Variants in AP3D1 observed in about 807,000 individuals in gnomAD.
AP3D1 encodes the protein adaptor related protein complex 3 subunit delta 1.
In AP3D1, 51 loss-of-function variants were observed where a neutral mutation model predicts 147.6. The ratio of observed to expected loss-of-function variants is 0.35; its 90% CI spans 0.28 to 0.44. AP3D1 has a LOEUF of 0.44. Ranked by LOEUF, AP3D1 falls within the 20% of genes least tolerant of loss-of-function variation. The probability of loss-of-function intolerance (pLI) is 1.00; values close to 1 mark genes in which losing one functional copy is unlikely to be tolerated. For missense variants in AP3D1, 1,421 were observed against 1,624.2 expected, an observed-to-expected ratio of 0.87 and a Z score of 2.15; for synonymous variants, 760 against 663.0, an observed-to-expected ratio of 1.15 and a Z score of -2.25.
rs747525616 is a variant in AP3D1, at chr19:2,114,212, T to C, written c.2514A>G (p.Glu838=). The change falls in exon 22 of 32, where the codon GAA becomes GAG. Residue 838 remains glutamate, a synonymous_variant. Coordinates refer to ENST00000643116, the MANE Select transcript of AP3D1 (RefSeq NM_001261826.3). ...KSPEKDVPMV[E]KKSKKPKKKE... ...TCTTCTTGGGTTTCTTGCTCTTCTT[T>C]TCTACCATGGGAACGTCCTTCTCAG... 9.3e-6 allele frequency: 15 copies of C among 1,613,164 alleles called. No individual in the cohort carries two copies. In the Admixed American group the frequency reaches 1.0e-4, roughly 11 times the overall value.
intron 23 of AP3D1, 55 bp from the exon 24 acceptor site, chr19:2,113,022 C>G: frequency 3.0e-6 from 4 of 1,347,180 alleles, no homozygotes; most frequent in South Asian, 1.3e-5. Flanking sequence ...CCCCACTCCA[C>G]TGCACCCCAG....
At chr19:2,111,923 T>G in intron 24 of AP3D1, 95 bp from the exon 25 acceptor site, 4 of 1,578,982 alleles carry the variant, frequency 2.5e-6, no homozygotes, top group Non-Finnish European at 3.4e-6. Context: ...CTGCTCAGGC[T>G]GAGGGTCCCA....
upstream of AP3D1, among the ~76,000 whole-genome samples, chr19:2,153,603 G>T (rs987981453): frequency 6.6e-6 from 1 of 150,722 alleles, no homozygotes; most frequent in Non-Finnish European, 1.5e-5. Flanking sequence ...TCCGCCCAGG[G>T]GGCGGAGGTT....
At chr19:2,111,935 G>A (rs2018294024) in intron 24 of AP3D1, 107 bp from the exon 25 acceptor site, 15 of 1,539,618 alleles carry the variant, frequency 9.7e-6, no homozygotes, top group Middle Eastern at 2.1e-4. Context: ...AGGGTCCCAC[G>A]TGCCTGGGTG....
At chr19:2,150,017 G>A (rs1568310813) in intron 1 of AP3D1, among the ~76,000 whole-genome samples, 1 of 152,180 alleles carries the variant, frequency 6.6e-6, no homozygotes, top group African/African-American at 2.4e-5. Flanking sequence ...AAGTGGGGTG[G>A]AGAAGAACAA....
At chr19:2,152,238 TAAAA>T (rs113847413), upstream of AP3D1, among the ~76,000 whole-genome samples, 1 of 151,596 alleles carries the variant, frequency 6.6e-6, no homozygotes. Flanking sequence ...ATTGAGATTG[TAAAA>T]AAAAGCTCTG....
intron 5 of AP3D1, 31 bp downstream of exon 5, chr19:2,132,440 G>T: frequency 6.4e-7 from 1 of 1,564,174 alleles, no homozygotes; most frequent in African/African-American, 1.3e-5. Context: ...GAGCAGACAT[G>T]CAGGGGTGGT....
At position 2,114,173 on chromosome 19, in the gene AP3D1, G is replaced by A. The variant is rs754766682; in HGVS notation, c.2553C>T (p.His851=). 6 of 1,590,732 alleles carry A rather than the reference G, an allele frequency of 3.8e-6. No homozygotes were observed. Among genetic ancestry groups the A allele is most frequent in the Non-Finnish European group, 5.1e-6 (6 of 1,168,418 alleles). ...SKKPKKKEKK[H]KEKERDKEKK... is the part of the protein sequence containing the mutation. The stretch of plus-strand genomic sequence containing the variant: ...TCTCCTTGTCTCTCTCTTTCTCTTT[G>A]TGTTTTTTCTCTTTCTTCTTGGGTT... The change falls in exon 22 of 32, where the codon CAC becomes CAT. Residue 851 remains histidine (H), a synonymous_variant. Coordinates refer to ENST00000643116, the MANE Select transcript of AP3D1 (RefSeq NM_001261826.3).
chr19:2,114,443 T>TA, intron 21 of AP3D1, 141 bp from the exon 22 acceptor site: 1 of 734,436 alleles, frequency 1.4e-6, no homozygotes, highest in Non-Finnish European at 2.2e-6. Flanking sequence ...AACATAGATC[T>TA]ACTCAACACA....
At position 2,101,723 on chromosome 19, in the gene AP3D1, T is replaced by A. The variant is rs767258716; in HGVS notation, c.*450A>T. The A allele has an allele frequency of 1.2e-4, 18 of 155,978 alleles. No individual in the cohort carries two copies. The highest frequency in any genetic ancestry group is 2.3e-4 in the Non-Finnish European group (16 of 70,454). 9.7% of individuals were successfully genotyped at this position (155,978 alleles called of 1,614,324 possible). ...AAACCTTGGCGACAGCGGCCCTTCC[T>A]TCCCCTCCCCCGGACGCAACCGTCA... is the stretch of plus-strand genomic sequence containing the variant. On this transcript the variant is annotated 3_prime_UTR_variant, in exon 32 of 32. Transcript: ENST00000643116.
At chr19:2,139,623 G>A (rs1285366142) in intron 1 of AP3D1, among the ~76,000 whole-genome samples, 1 of 152,346 alleles carries the variant, frequency 6.6e-6, no homozygotes, top group Admixed American at 6.5e-5. Context: ...AGGAGAGGAG[G>A]GAGCAGCAGA....
At chr19:2,150,839 G>A (rs1014997874) in intron 1 of AP3D1, among the ~76,000 whole-genome samples, 2 of 152,218 alleles carry the variant, frequency 1.3e-5, no homozygotes, top group African/African-American at 4.8e-5. Flanking sequence ...GCTCTGCCCA[G>A]AGACCTCGCA....
At chr19:2,137,624 A>C in intron 3 of AP3D1, 103 bp downstream of exon 3, 1 of 1,007,262 alleles carries the variant, frequency 9.9e-7, no homozygotes, top group Non-Finnish European at 1.5e-6. Context: ...TAACAGAGCT[A>C]GACTCTGTCT....
chr19:2,119,992 C>G (rs1339497941), intron 14 of AP3D1, among the ~76,000 whole-genome samples: 1 of 152,168 alleles, frequency 6.6e-6, no homozygotes, highest in Non-Finnish European at 1.5e-5. Context: ...GTGCTCATCT[C>G]CAGGATGCAG....
Position 2,102,894 on chromosome 19 carries a change from A to T in AP3D1, c.3553-626T>A, listed in dbSNP as rs371732392. On this transcript the variant is annotated intron_variant, in intron 31 of 31. Coordinates refer to ENST00000643116, the MANE Select transcript of AP3D1 (RefSeq NM_001261826.3). ...ACCCAGGGGGTGGAGGTTGCATGTG[A>T]GTTGAGATCATTCCACCACACTCCA... Among the ~76,000 whole-genome samples, 5 of 152,066 alleles carry T rather than the reference A, an allele frequency of 3.3e-5. No individual in the cohort carries two copies. In the East Asian group the frequency reaches 9.6e-4, roughly 29 times the overall value.
chr19:2,122,683 C>T (rs533895796), intron 11 of AP3D1, among the ~76,000 whole-genome samples: 2 of 152,336 alleles, frequency 1.3e-5, no homozygotes, highest in South Asian at 4.1e-4. Flanking sequence ...GGTATGTGAT[C>T]GCGGTCTCTC....
At chr19:2,123,646 A>G (rs1599464576) in intron 10 of AP3D1, among the ~76,000 whole-genome samples, 184 bp downstream of exon 10, 1 of 152,132 alleles carries the variant, frequency 6.6e-6, no homozygotes, top group East Asian at 1.9e-4. Context: ...CCACAGACAC[A>G]TGATGGGGAT....
intron 6 of AP3D1, 27 bp from the exon 7 acceptor site, chr19:2,129,484 A>T (rs573038546): frequency 1.2e-6 from 2 of 1,601,806 alleles, no homozygotes; most frequent in Non-Finnish European, 1.7e-6. Flanking sequence ...TCTCATCAGC[A>T]TGCCTGTCCT....
Position 2,151,561 on chromosome 19 carries a change from G to T in AP3D1, c.-227C>A, listed in dbSNP as rs1223641543. ...GCCCCTTGCAAATGGCGGACAAGAT[G>T]GCGGCGGGTCAGCTGACGACGAGCG... On this transcript the variant is annotated 5_prime_UTR_variant, in exon 1 of 32. Coordinates refer to ENST00000643116, the MANE Select transcript of AP3D1 (RefSeq NM_001261826.3). The T allele has an allele frequency of 6.3e-6, 1 of 159,120 alleles. No individual in the cohort carries two copies. The highest frequency in any genetic ancestry group is 1.4e-5 in the Non-Finnish European group (1 of 73,646). The allele number at this position is 159,120 out of a possible 1,614,324, so 9.9% of individuals were successfully genotyped here.
Sources: allele counts gnomAD v4.1 joint callset (sites outside exome capture counted in the v4.1 genomes callset), GRCh38; gene constraint gnomAD v4.1.1; transcripts MANE v1.5; gene names NCBI Gene and HGNC (gene_info 2026-07-23, HGNC 2026-07-21).